The following PPP2R5E variants were observed in gnomAD, a reference collection of about 807,000 sequenced individuals.
PPP2R5E encodes the protein serine/threonine-protein phosphatase 2A 56 kDa regulatory subunit epsilon isoform.
In PPP2R5E, 4 loss-of-function variants were observed where a neutral mutation model predicts 65.3. That is an observed-to-expected ratio of 0.06 (90% CI 0.03 to 0.14). The LOEUF is 0.14. Ranked by LOEUF, PPP2R5E falls within the 10% of genes least tolerant of loss-of-function variation. The pLI is 1.00. For synonymous variants in PPP2R5E, 183 were observed against 187.4 expected (o/e 0.98, Z 0.19); for missense variants, 274 against 556.1 (o/e 0.49, Z 5.10).
chr14:63,503,331 C>T (rs1891990202), intron 2 of PPP2R5E, among the ~76,000 whole-genome samples: 1 of 152,076 alleles, frequency 6.6e-6, no homozygotes, highest in Admixed American at 6.5e-5. Flanking sequence ...CATTGAAGAA[C>T]GTGGGGTGTG....
intron 2 of PPP2R5E, among the ~76,000 whole-genome samples, chr14:63,537,611 A>T (rs1893720570): frequency 6.6e-6 from 1 of 152,178 alleles, no homozygotes; most frequent in Non-Finnish European, 1.5e-5. Context: ...ATTCATATGG[A>T]AAAAATAGAA....
chr14:63,464,416 G>C (rs747721928), intron 2 of PPP2R5E, among the ~76,000 whole-genome samples: 4 of 152,162 alleles, frequency 2.6e-5, no homozygotes, highest in Admixed American at 6.5e-5. Context: ...AGCCAAGGCT[G>C]TCTGGGGAAG....
At chr14:63,378,632 T>C (rs900373384) in intron 13 of PPP2R5E, among the ~76,000 whole-genome samples, 2 of 152,212 alleles carry the variant, frequency 1.3e-5, no homozygotes, top group African/African-American at 2.4e-5. Flanking sequence ...GACACAGTTA[T>C]TGTCACCCCC....
intron 2 of PPP2R5E, among the ~76,000 whole-genome samples, chr14:63,484,850 T>C (rs1890901349): frequency 6.6e-6 from 1 of 152,206 alleles, no homozygotes; most frequent in Non-Finnish European, 1.5e-5. Context: ...CAATAGTATC[T>C]TGTAAATTTA....
chr14:63,527,354 T>C (rs751701786), intron 2 of PPP2R5E, among the ~76,000 whole-genome samples: 1 of 152,222 alleles, frequency 6.6e-6, no homozygotes, highest in Non-Finnish European at 1.5e-5. Flanking sequence ...TTCTCCTTTT[T>C]GCTTTAAAAG....
At chr14:63,424,309 G>A (rs1887209401) in intron 3 of PPP2R5E, among the ~76,000 whole-genome samples, 1 of 152,140 alleles carries the variant, frequency 6.6e-6, no homozygotes, top group African/African-American at 2.4e-5. Flanking sequence ...TATTAAGGGA[G>A]CAGTATCTAG....
chr14:63,392,540 G>A (rs1335535042), intron 8 of PPP2R5E, among the ~76,000 whole-genome samples: 4 of 152,202 alleles, frequency 2.6e-5, no homozygotes, highest in Non-Finnish European at 5.9e-5. Context: ...CTGGAGAAAT[G>A]TAAGAATAGT....
At chr14:63,456,428 T>C (rs546253693) in intron 2 of PPP2R5E, among the ~76,000 whole-genome samples, 6 of 152,352 alleles carry the variant, frequency 3.9e-5, no homozygotes, top group South Asian at 2.1e-4. Flanking sequence ...TATAATGTCA[T>C]AGACAAATGT....
chr14:63,414,130 T>A (rs751025177), intron 5 of PPP2R5E, among the ~76,000 whole-genome samples: 1 of 152,124 alleles, frequency 6.6e-6, no homozygotes, highest in Non-Finnish European at 1.5e-5. Flanking sequence ...GTTTTGAGTG[T>A]CAAAAACAGT....
chr14:63,404,726 T>C (rs1004038267), intron 5 of PPP2R5E, among the ~76,000 whole-genome samples: 9 of 152,218 alleles, frequency 5.9e-5, no homozygotes, highest in Admixed American at 2.0e-4. Context: ...CACACGCTTT[T>C]ATTTTCCTCC....
At chr14:63,382,346 T>A (rs553155879) in intron 12 of PPP2R5E, among the ~76,000 whole-genome samples, 189 bp from the exon 13 acceptor site, 168 of 152,038 alleles carry the variant, frequency 1.1e-3, no homozygotes, top group African/African-American at 3.7e-3. Context: ...CAAGGCAAGA[T>A]AATTTTCTGA....
intron 2 of PPP2R5E, among the ~76,000 whole-genome samples, chr14:63,497,810 T>C (rs1891652970): frequency 6.6e-6 from 1 of 151,974 alleles, no homozygotes; most frequent in African/African-American, 2.4e-5. Context: ...TGCTCAAGGT[T>C]TATGCAGAAA....
At chr14:63,410,713 G>A (rs1886348255) in intron 5 of PPP2R5E, among the ~76,000 whole-genome samples, 1 of 152,144 alleles carries the variant, frequency 6.6e-6, no homozygotes, top group East Asian at 1.9e-4. Context: ...TGAATGAGCA[G>A]GGTATTCTGG....
intron 4 of PPP2R5E, among the ~76,000 whole-genome samples, chr14:63,416,418 T>C (rs1330507148): frequency 1.3e-5 from 2 of 152,224 alleles, no homozygotes; most frequent in African/African-American, 4.8e-5. Flanking sequence ...TCTTCGATTT[T>C]ATAATGGAGA....
chr14:63,413,610 C>T (rs1203192234), intron 5 of PPP2R5E, among the ~76,000 whole-genome samples: 2 of 152,170 alleles, frequency 1.3e-5, no homozygotes, highest in Non-Finnish European at 2.9e-5. Flanking sequence ...TTGTACAAAT[C>T]AACTAACGCA....
At chr14:63,475,893 GA>G (rs1355253327) in intron 2 of PPP2R5E, among the ~76,000 whole-genome samples, 4 of 152,026 alleles carry the variant, frequency 2.6e-5, no homozygotes, top group African/African-American at 9.7e-5. Context: ...AAGCTAAAAT[GA>G]AAAAACATTC....
intron 2 of PPP2R5E, among the ~76,000 whole-genome samples, chr14:63,493,914 A>T (rs890216570): frequency 6.6e-6 from 1 of 152,122 alleles, no homozygotes; most frequent in Admixed American, 6.5e-5. Flanking sequence ...TTCTTTTTAA[A>T]ATTATAGCTT....
intron 2 of PPP2R5E, among the ~76,000 whole-genome samples, chr14:63,466,983 T>C (rs532779219): frequency 4.6e-5 from 7 of 152,162 alleles, no homozygotes; most frequent in East Asian, 1.9e-4. Flanking sequence ...TCCCAGCACT[T>C]TGGGAGGCCA....
intron 2 of PPP2R5E, among the ~76,000 whole-genome samples, chr14:63,462,202 C>A (rs550182668): frequency 2.8e-4 from 43 of 152,176 alleles, no homozygotes; most frequent in Admixed American, 5.2e-4. Context: ...TCCCGAGTAG[C>A]TGGGACTACA....
Sources: gnomAD v4.1 joint callset for allele counts (sites outside exome capture counted in the v4.1 genomes callset) on GRCh38, gnomAD v4.1.1 for gene constraint, MANE v1.5 for transcripts, NCBI Gene and HGNC (gene_info 2026-07-23, HGNC 2026-07-21) for gene names.